MAP3K9: variants seen among roughly 807,000 people sequenced by gnomAD.
The protein encoded by MAP3K9 is mitogen-activated protein kinase kinase kinase 9, also known as mixed lineage kinase 1 (tyr and ser/thr specificity).
MAP3K9 carries 46 observed loss-of-function variants against 95.8 expected under a neutral mutation model. The observed-to-expected ratio is 0.48, with a 90% CI of 0.38 to 0.61. The LOEUF (loss-of-function observed/expected upper bound fraction) is 0.61, where lower values mean the gene tolerates loss of function less well. Among genes scored for constraint, MAP3K9 ranks in the 20% least tolerant of loss-of-function variants. The pLI, the probability that MAP3K9 is intolerant of heterozygous loss-of-function variation, is 0.00. For synonymous variants in MAP3K9, 533 were observed against 593.8 expected, an observed-to-expected ratio of 0.90 and a Z score of 1.49; for missense variants, 1,296 against 1,474.3, an observed-to-expected ratio of 0.88 and a Z score of 1.98.
intron 2 of MAP3K9, among the ~76,000 whole-genome samples, chr14:70,784,934 C>A (rs1359571080): frequency 1.3e-5 from 2 of 152,154 alleles, no homozygotes; most frequent in Non-Finnish European, 2.9e-5. Flanking sequence ...CACAAAGTCC[C>A]CAAGACCAGG....
intron 11 of MAP3K9, 35 bp downstream of exon 11, chr14:70,732,504 A>G: frequency 6.6e-7 from 1 of 1,512,850 alleles, no homozygotes; most frequent in Non-Finnish European, 8.8e-7. Context: ...GAGGAGGCAC[A>G]AAGAAAGGAA....
chr14:70,738,477 C>A, intron 7 of MAP3K9, 79 bp from the exon 8 acceptor site: 2 of 1,228,180 alleles, frequency 1.6e-6, no homozygotes, highest in South Asian at 1.4e-5. Context: ...TACCACCACA[C>A]ACACACACAC....
At chr14:70,746,120 AG>A (rs2054143407) in intron 5 of MAP3K9, among the ~76,000 whole-genome samples, 1 of 152,214 alleles carries the variant, frequency 6.6e-6, no homozygotes, top group Admixed American at 6.5e-5. Flanking sequence ...TAAGTGTAAA[AG>A]TTTAAAAATC....
intron 5 of MAP3K9, among the ~76,000 whole-genome samples, chr14:70,745,370 C>T (rs1044696091): frequency 6.6e-6 from 1 of 152,120 alleles, no homozygotes; most frequent in African/African-American, 2.4e-5. Context: ...GAAATGAATA[C>T]AATATTCTGA....
At position 70,725,396 on chromosome 14, in the gene MAP3K9, G is replaced by C. The variant is rs1055950065; in HGVS notation, c.*4984C>G. 4.6e-5 allele frequency: 7 copies of C among 152,230 alleles called. No individual in the cohort carries two copies. Among genetic ancestry groups the C allele is most frequent in the African/African-American group, 1.7e-4 (7 of 41,456 alleles). 9.4% of individuals were successfully genotyped at this position (152,230 alleles called of 1,614,324 possible). A position where few individuals can be genotyped will look rare whatever the true frequency, so the allele number is the denominator to read the frequency against. ...GAGCAGTCTGAGAGGAAGTCCATAA[G>C]AGACTCACCTGGCCTGCACGGCTAA... On this transcript the variant is annotated 3_prime_UTR_variant, in exon 12 of 12. Transcript: ENST00000554752.
chr14:70,788,960 T>C (rs574205853), intron 2 of MAP3K9, among the ~76,000 whole-genome samples: 3 of 152,250 alleles, frequency 2.0e-5, no homozygotes, highest in African/African-American at 7.2e-5. Context: ...CAGGAGAAGA[T>C]GTGAAAAAAG....
intron 3 of MAP3K9, among the ~76,000 whole-genome samples, chr14:70,751,579 T>C (rs1469029741): frequency 6.6e-6 from 1 of 151,860 alleles, no homozygotes; most frequent in African/African-American, 2.4e-5. Flanking sequence ...ATTAGCCAGG[T>C]GTGGTGGTGC....
chr14:70,739,997 G>A lies in MAP3K9; in HGVS notation c.1690+45C>T, dbSNP rs2054046625. The A allele has an allele frequency of 4.3e-6, 7 of 1,614,054 alleles. No homozygotes were observed. In the Admixed American group the frequency reaches 6.7e-5, roughly 15 times the overall value. The stretch of plus-strand genomic sequence containing the variant: ...TGGCTGGACAGAGCAGGGGACAGGT[G>A]CCCCTGTGTGTTCTGGCCCCAGCTA... On this transcript the variant is annotated intron_variant, in intron 7 of 11. Coordinates refer to ENST00000554752, the MANE Select transcript of MAP3K9 (RefSeq NM_001284230.2).
chr14:70,736,552 T>C (rs2053989204), intron 8 of MAP3K9, among the ~76,000 whole-genome samples: 1 of 152,218 alleles, frequency 6.6e-6, no homozygotes. Context: ...GTCATATATT[T>C]TTTAATTCCT....
At chr14:70,797,747 A>G (rs1351812284) in intron 2 of MAP3K9, among the ~76,000 whole-genome samples, 4 of 152,186 alleles carry the variant, frequency 2.6e-5, no homozygotes, top group African/African-American at 9.7e-5. Context: ...AAATAAATAA[A>G]TAAAATACAA....
In MAP3K9 at chr14:70,740,131, G is replaced by A. The variant is rs141502233; in HGVS notation, c.1601C>T (p.Pro534Leu). The A allele has an allele frequency of 2.1e-4, 334 of 1,614,030 alleles. No individual in the cohort carries two copies. The highest frequency in any genetic ancestry group is 2.5e-4 in the Non-Finnish European group (297 of 1,180,020). Reference protein sequence around the residue: ...FQHKFTVQASPTMDKRKSLIN... With the variant: ...FQHKFTVQASLTMDKRKSLIN... ...AAGACTCTTCCTTTTATCCATGGTA[G>A]GGGAGGCCTGCACCGTGAACTTGTG... The change falls in exon 7 of 12, where the codon CCT (proline) becomes CTT (leucine). Residue 534 changes from proline (P) to leucine (L), a missense_variant. Physicochemically the swap from Pro to Leu is moderately conservative, Grantham distance 98. Coordinates refer to ENST00000554752, the MANE Select transcript of MAP3K9 (RefSeq NM_001284230.2).
intron 3 of MAP3K9, among the ~76,000 whole-genome samples, chr14:70,755,304 G>A (rs1367577311): frequency 2.0e-5 from 3 of 152,208 alleles, no homozygotes; most frequent in Non-Finnish European, 4.4e-5. Flanking sequence ...AGGCACGCAC[G>A]GTGGGCTGAT....
Position 70,749,973 on chromosome 14 carries a change from A to G in MAP3K9, c.1110T>C (p.Ile370=). The G allele has an allele frequency of 6.2e-7, 1 of 1,614,250 alleles. No individual in the cohort carries two copies. The change falls in exon 4 of 12, where the codon ATT becomes ATC. Residue 370 remains isoleucine, a synonymous_variant. Transcript: ENST00000554752. ...CAAAAGGTTCTGGGCACGTAGAAGG[A>G]ATAGGAAGGGCGAGTTTGTTCATGG... ...GVAMNKLALP[I]PSTCPEPFAK... is the part of the protein sequence containing the mutation.
chr14:70,774,983 C>CAAAAAAAAAAAAAAAA (rs60144338), intron 2 of MAP3K9, among the ~76,000 whole-genome samples: 25 of 55,114 alleles, frequency 4.5e-4, no homozygotes, highest in Admixed American at 6.5e-4. Flanking sequence ...ACTCTGTCCC[C>CAAAAAAAAAAAAAAAA]AAAAAAAAAA....
chr14:70,739,930 A>G, intron 7 of MAP3K9, 112 bp downstream of exon 7: 6 of 1,613,932 alleles, frequency 3.7e-6, no homozygotes, highest in Non-Finnish European at 4.2e-6. Flanking sequence ...TGTCGAGGAG[A>G]GGTGGCAGAA....
chr14:70,778,710 T>G (rs751484100), intron 2 of MAP3K9, among the ~76,000 whole-genome samples: 2 of 152,230 alleles, frequency 1.3e-5, no homozygotes, highest in Non-Finnish European at 2.9e-5. Flanking sequence ...TAAAAACAGA[T>G]GTACTGTTTT....
At chr14:70,784,826 G>A (rs1216711831) in intron 2 of MAP3K9, among the ~76,000 whole-genome samples, 1 of 152,166 alleles carries the variant, frequency 6.6e-6, no homozygotes, top group Non-Finnish European at 1.5e-5. Context: ...CAGGTCTTGT[G>A]CATTTTAGGA....
At chr14:70,793,164 G>T (rs2158529) in intron 2 of MAP3K9, among the ~76,000 whole-genome samples, 70,192 of 152,108 alleles carry the variant, frequency 0.46, 16,514 homozygotes, top group Non-Finnish European at 0.48. Flanking sequence ...GGCAGTGGTC[G>T]GCTCCAGCAG....
At chr14:70,781,704 T>A (rs1288504530) in intron 2 of MAP3K9, among the ~76,000 whole-genome samples, 2 of 152,224 alleles carry the variant, frequency 1.3e-5, no homozygotes, top group Admixed American at 6.5e-5. Flanking sequence ...TATAATGCCA[T>A]GAGTAAATAC....
Sources: gnomAD v4.1 joint callset for allele counts (sites outside exome capture counted in the v4.1 genomes callset) on GRCh38, gnomAD v4.1.1 for gene constraint, MANE v1.5 for transcripts, NCBI Gene and HGNC (gene_info 2026-07-23, HGNC 2026-07-21) for gene names.